The following DCDC1 variants were observed in gnomAD, a reference collection of about 807,000 sequenced individuals.
DCDC1 encodes doublecortin domain containing 1.
DCDC1 carries 200 observed loss-of-function variants against 178.3 expected under a neutral mutation model. The observed-to-expected ratio is 1.12, with a 90% CI of 1.00 to 1.26. The LOEUF (loss-of-function observed/expected upper bound fraction) is 1.26, where lower values mean the gene tolerates loss of function less well. Among genes scored for constraint, DCDC1 ranks in the 50% most tolerant of loss-of-function variants. DCDC1 has a pLI of 0.00. For missense variants in DCDC1, 1,983 were observed against 1,749.2 expected (o/e 1.13, Z -2.38); for synonymous variants, 690 against 604.8 (o/e 1.14, Z -2.07).
intron 20 of DCDC1, among the ~76,000 whole-genome samples, chr11:30,963,672 T>C (rs1166056777): frequency 1.3e-5 from 2 of 152,092 alleles, no homozygotes; most frequent in Admixed American, 6.6e-5. Context: ...ATGATAAGAA[T>C]GGCACAGCCA....
intron 3 of DCDC1, among the ~76,000 whole-genome samples, chr11:31,315,123 C>A (rs1383835011): frequency 6.6e-6 from 1 of 151,978 alleles, no homozygotes; most frequent in South Asian, 2.1e-4. Flanking sequence ...ATTTCCTCTC[C>A]TTAATGGCAT....
chr11:31,222,330 C>A (rs996785064), intron 9 of DCDC1, among the ~76,000 whole-genome samples: 1 of 152,130 alleles, frequency 6.6e-6, no homozygotes, highest in Admixed American at 6.5e-5. Flanking sequence ...TCCCAAAGTG[C>A]TAGGATTACA....
intron 6 of DCDC1, among the ~76,000 whole-genome samples, chr11:31,295,743 C>T (rs530477435): frequency 5.3e-5 from 8 of 152,256 alleles, no homozygotes; most frequent in African/African-American, 1.9e-4. Context: ...AGTATTCCCT[C>T]AACAAGTCTC....
At chr11:31,028,491 GAATATAGT>G (rs1444837740) in intron 20 of DCDC1, among the ~76,000 whole-genome samples, 4 of 151,756 alleles carry the variant, frequency 2.6e-5, no homozygotes, top group Non-Finnish European at 5.9e-5. Flanking sequence ...TTTCACATTT[GAATATAGT>G]AATTATTTAG....
intron 20 of DCDC1, among the ~76,000 whole-genome samples, chr11:31,052,813 AC>A (rs1955346265): frequency 1.3e-5 from 2 of 152,128 alleles, no homozygotes; most frequent in Admixed American, 1.3e-4. Context: ...ACCTATTAAA[AC>A]CTCTGGGATA....
chr11:31,216,365 A>G (rs1973563289), intron 9 of DCDC1, among the ~76,000 whole-genome samples: 1 of 152,198 alleles, frequency 6.6e-6, no homozygotes, highest in Admixed American at 6.5e-5. Flanking sequence ...GTAAAAGCTT[A>G]TAGCAGTTGA....
intron 9 of DCDC1, among the ~76,000 whole-genome samples, chr11:31,225,369 G>A (rs560593865): frequency 6.7e-6 from 1 of 149,508 alleles, no homozygotes; most frequent in South Asian, 2.1e-4. Context: ...GGGGACATGG[G>A]GGAAAGTTGG....
Position 31,008,012 on chromosome 11 carries a change from T to C in DCDC1, c.2592-55444A>G, listed in dbSNP as rs570245982. Among the ~76,000 whole-genome samples, 4 of 152,226 alleles carry C rather than the reference T, an allele frequency of 2.6e-5. No individual in the cohort carries two copies. In the East Asian group the frequency reaches 7.7e-4, roughly 29 times the overall value. Reference sequence around the variant, plus strand: ...CAGTAGAGGAGTCATGATCTGGAAGTAGCAGAGAAAACCGGAAGTGCAGAG... The same window carrying C: ...CAGTAGAGGAGTCATGATCTGGAAGCAGCAGAGAAAACCGGAAGTGCAGAG... On this transcript the variant is annotated intron_variant, in intron 20 of 38. Transcript: ENST00000684477.
chr11:31,048,537 A>G (rs1226967622), intron 20 of DCDC1, among the ~76,000 whole-genome samples: 5 of 152,146 alleles, frequency 3.3e-5, no homozygotes, highest in Admixed American at 2.0e-4. Context: ...ACTCATGACA[A>G]ACATACAGAT....
chr11:31,253,921 C>T (rs560531851), intron 8 of DCDC1, among the ~76,000 whole-genome samples: 22 of 152,270 alleles, frequency 1.4e-4, no homozygotes, highest in African/African-American at 3.8e-4. Context: ...TGCTCTTCCC[C>T]GTGGAAGGGC....
intron 17 of DCDC1, among the ~76,000 whole-genome samples, chr11:31,084,407 AT>A (rs757568229): frequency 6.6e-6 from 1 of 152,182 alleles, no homozygotes; most frequent in Non-Finnish European, 1.5e-5. Context: ...TCACACAGTC[AT>A]TTTAGATGTC....
chr11:31,046,603 T>C (rs1376334406), intron 20 of DCDC1, among the ~76,000 whole-genome samples: 2 of 130,582 alleles, frequency 1.5e-5, no homozygotes, highest in Non-Finnish European at 3.2e-5. Flanking sequence ...AAGTGTTCAC[T>C]GGCCTCAGTA....
At chr11:31,062,882 G>A (rs1956018716) in intron 20 of DCDC1, among the ~76,000 whole-genome samples, 1 of 150,162 alleles carries the variant, frequency 6.7e-6, no homozygotes, top group Admixed American at 6.7e-5. Flanking sequence ...TGCCATGTTG[G>A]TGTGCTGCAC....
intron 7 of DCDC1, among the ~76,000 whole-genome samples, chr11:31,273,860 C>T (rs1043335378): frequency 1.3e-5 from 2 of 152,106 alleles, no homozygotes; most frequent in Admixed American, 6.6e-5. Context: ...GAAGGCAAAT[C>T]GGAGCAAGTC....
intron 11 of DCDC1, among the ~76,000 whole-genome samples, chr11:31,117,472 A>G (rs542625454): frequency 6.6e-6 from 1 of 152,146 alleles, no homozygotes; most frequent in Non-Finnish European, 1.5e-5. Flanking sequence ...AAGGGTGGTA[A>G]TAAGAGCCTG....
Position 31,123,075 on chromosome 11 carries a change from CA to C in DCDC1, c.1485+4393del, listed in dbSNP as rs553868384. ...CTATATTCCAGTAAAACTGTATTTACAAAAAAAAACAGGCAGATTTGGCCCA... is the reference window on the plus strand; with the variant it reads ...CTATATTCCAGTAAAACTGTATTTACAAAAAAAACAGGCAGATTTGGCCCA... On this transcript the variant is annotated intron_variant, in intron 11 of 38. Coordinates refer to ENST00000684477, the MANE Select transcript of DCDC1 (RefSeq NM_001387274.1). Among the ~76,000 whole-genome samples, 8 of 150,066 alleles carry C rather than the reference CA, an allele frequency of 5.3e-5. No individual in the cohort carries two copies. The East Asian group carries it at 9.8e-4, about 18-fold the overall frequency.
chr11:31,340,460 T>G (rs1412114959), intron 1 of DCDC1, among the ~76,000 whole-genome samples: 1 of 152,188 alleles, frequency 6.6e-6, no homozygotes, highest in African/African-American at 2.4e-5. Flanking sequence ...AGCACAATAC[T>G]GAAGGAATTG....
intron 9 of DCDC1, among the ~76,000 whole-genome samples, chr11:31,143,227 A>G (rs1964053465): frequency 6.6e-6 from 1 of 152,212 alleles, no homozygotes; most frequent in Non-Finnish European, 1.5e-5. Flanking sequence ...AGAAGCATAA[A>G]TAATAGGTAG....
intron 20 of DCDC1, among the ~76,000 whole-genome samples, chr11:30,952,981 G>C (rs1948522475): frequency 1.3e-5 from 2 of 151,830 alleles, no homozygotes; most frequent in African/African-American, 4.8e-5. Context: ...CAAAGTACCA[G>C]ATAAATTTTT....
Sources: allele counts gnomAD v4.1 joint callset (sites outside exome capture counted in the v4.1 genomes callset), GRCh38; gene constraint gnomAD v4.1.1; transcripts MANE v1.5; gene names NCBI Gene and HGNC (gene_info 2026-07-23, HGNC 2026-07-21).